Variants in CDH16 observed in about 807,000 individuals in gnomAD.
CDH16 encodes the protein cadherin 16.
A neutral mutation model predicts 87.6 loss-of-function variants in CDH16; 79 were observed. That is an observed-to-expected ratio of 0.90 (90% confidence interval 0.75 to 1.09). The LOEUF (loss-of-function observed/expected upper bound fraction) is 1.09, where lower values mean the gene tolerates loss of function less well. Ranked by LOEUF, CDH16 falls within the 50% of genes least tolerant of loss-of-function variation. The pLI is 0.00. For missense variants in CDH16, 1,124 were observed against 1,071.7 expected (o/e 1.05, Z -0.68); for synonymous variants, 457 against 439.5 (o/e 1.04, Z -0.50).
At position 66,911,280 on chromosome 16, in the gene CDH16, C is replaced by T. The variant is rs564468965; in HGVS notation, c.1826G>A (p.Cys609Tyr). Residue 609 changes from cysteine to tyrosine, a missense_variant, in exon 14 of 18, where the codon TGC becomes TAC. By Grantham distance (194) the Cys-to-Tyr change is radical. Transcript: ENST00000299752. ...SLVNDSEGWL[C>Y]IEKFSGEVHT... is the part of the protein sequence containing the mutation. ...CACCTCCCCGGAGAATTTCTCAATGCAGAGCCAGCCCTCTGAGTCATTGAC... is the reference window on the plus strand; with the variant it reads ...CACCTCCCCGGAGAATTTCTCAATGTAGAGCCAGCCCTCTGAGTCATTGAC... 1.9e-5 allele frequency: 30 copies of T among 1,613,550 alleles called. No homozygotes were observed. The South Asian group carries it at 3.1e-4, about 17-fold the overall frequency.
In CDH16 at chr16:66,915,389, G is replaced by C. The variant is rs201978527; in HGVS notation, c.425-11C>G. On this transcript the variant is annotated splice_polypyrimidine_tract_variant and intron_variant, in intron 5 of 17. Coordinates refer to ENST00000299752, the MANE Select transcript of CDH16 (RefSeq NM_004062.4). ...AGAGGAAGGGGATGCCTGGTTCACGGTGGGAGGGCAAACTGTAAGGGATAG... is the reference window on the plus strand; with the variant it reads ...AGAGGAAGGGGATGCCTGGTTCACGCTGGGAGGGCAAACTGTAAGGGATAG... 3.0e-5 allele frequency: 48 copies of C among 1,613,262 alleles called. No individual in the cohort carries two copies. In the East Asian group the frequency reaches 1.0e-3, roughly 35 times the overall value.
chr16:66,913,609 T>C lies in CDH16; in HGVS notation c.785A>G (p.His262Arg). The C allele has an allele frequency of 1.2e-6, 2 of 1,613,908 alleles. No homozygotes were observed. Among genetic ancestry groups the C allele is most frequent in the Non-Finnish European group, 1.7e-6 (2 of 1,179,928 alleles). The change falls in exon 8 of 18, where the codon CAC becomes CGC. Residue 262 changes from histidine (H) to arginine (R), a missense_variant. By Grantham distance (29) the His-to-Arg change is conservative. Coordinates refer to ENST00000299752, the MANE Select transcript of CDH16 (RefSeq NM_004062.4). The stretch of plus-strand genomic sequence containing the variant: ...ATAGTGCACATCACCCCCACTCCAG[T>C]GTACCTGGGGGGGACACCCCGGGCC... ...VLYPHHMAQV[H>R]WSGGDVHYHL... is the part of the protein sequence containing the mutation.
Position 66,909,529 on chromosome 16 carries a change from G to A in CDH16, c.2276-146C>T. 2 of 642,054 alleles carry A rather than the reference G, an allele frequency of 3.1e-6. No individual in the cohort carries two copies. Among genetic ancestry groups the A allele is most frequent in the Non-Finnish European group, 5.6e-6 (2 of 359,764 alleles). 39.8% of individuals were successfully genotyped at this position (642,054 alleles called of 1,614,324 possible). A position where few individuals can be genotyped will look rare whatever the true frequency, so the allele number is the denominator to read the frequency against. On this transcript the variant is annotated intron_variant, in intron 16 of 17. Transcript: ENST00000299752. This position sits in a 1 kb window ranked among gnomAD's most constrained non-coding sequence, Gnocchi z 4.1. ...TGTGTGAAGATATATGCGCTAGCCA[G>A]GCGTGGTGGCTCACACCTGTAATCC...
intron 6 of CDH16, among the ~76,000 whole-genome samples, chr16:66,914,681 T>A (rs187057350): frequency 6.6e-6 from 1 of 152,268 alleles, no homozygotes; most frequent in Admixed American, 6.5e-5. Context: ...GATGGGTAGA[T>A]GGCAGATGAT....
At chr16:66,910,970 A>C in intron 14 of CDH16, 1 of 523,280 alleles carries the variant, frequency 1.9e-6, no homozygotes, top group Non-Finnish European at 3.4e-6. Context: ...ATCTAGGAGA[A>C]TGATCAGAGA....
chr16:66,918,197 G>A, intron 1 of CDH16, 119 bp from the exon 2 acceptor site: 1 of 658,460 alleles, frequency 1.5e-6, no homozygotes, highest in Non-Finnish European at 2.4e-6. Flanking sequence ...CTCCAAAGGA[G>A]CTGAGGCTCT....
chr16:66,908,770 T>C (rs1456833868), intron 17 of CDH16, among the ~76,000 whole-genome samples: 1 of 152,146 alleles, frequency 6.6e-6, no homozygotes, highest in Non-Finnish European at 1.5e-5. Flanking sequence ...CCCAACTCCA[T>C]GGACCTCCAA....
At position 66,915,269 on chromosome 16, in the gene CDH16, G is replaced by A; in HGVS notation, c.534C>T (p.Asp178=). Reference sequence around the variant, plus strand: ...CCAGCCGAGGCTCCAGCTGGAACATGTCTGGGGAAGGCTGGGCTGGAGCCT... The same window carrying A: ...CCAGCCGAGGCTCCAGCTGGAACATATCTGGGGAAGGCTGGGCTGGAGCCT... ...LSQAPAQPSP[D]MFQLEPRLGA... is the part of the protein sequence containing the mutation. Residue 178 remains aspartate (D), a synonymous_variant, in exon 6 of 18, where the codon GAC becomes GAT. Coordinates refer to ENST00000299752, the MANE Select transcript of CDH16 (RefSeq NM_004062.4). 3 of 1,613,950 alleles carry A rather than the reference G, an allele frequency of 1.9e-6. No homozygotes were observed. The highest frequency in any genetic ancestry group is 2.5e-6 in the Non-Finnish European group (3 of 1,180,024).
At position 66,915,242 on chromosome 16, in the gene CDH16, CCCCAGCCGAGGCTCCAGCTGGAACATGT is replaced by C; in HGVS notation, c.533_560del (p.Asp178GlyfsTer48). 1 of 1,612,596 alleles carries C rather than the reference CCCCAGCCGAGGCTCCAGCTGGAACATGT, an allele frequency of 6.2e-7. No individual in the cohort carries two copies. ...TACCCTTGGGGCTGAGGGCCAGAGC[CCCCAGCCGAGGCTCCAGCTGGAACATGT>C]CTGGGGAAGGCTGGGCTGGAGCCTG... On this transcript the variant is annotated frameshift_variant, in exon 6 of 18. Coordinates refer to ENST00000299752, the MANE Select transcript of CDH16 (RefSeq NM_004062.4). LOFTEE classifies it high-confidence loss of function.
chr16:66,909,390 G>A lies in CDH16; in HGVS notation c.2276-7C>T, dbSNP rs896182744. 6.3e-7 allele frequency: 1 copy of A among 1,585,374 alleles called. No individual in the cohort carries two copies. Among genetic ancestry groups the A allele is most frequent in the Non-Finnish European group, 8.6e-7 (1 of 1,156,764 alleles). ...TTGCAGCGACACACGATCACTGAGG[G>A]GAGAGGGGAGGAAGGTAAGGGGAGG... On this transcript the variant is annotated splice_polypyrimidine_tract_variant and splice_region_variant and intron_variant, in intron 16 of 17. Transcript: ENST00000299752. This position sits in a 1 kb window ranked among gnomAD's most constrained non-coding sequence, Gnocchi z 4.1.
Position 66,909,958 on chromosome 16 carries a change from T to C in CDH16, c.2275+28A>G, listed in dbSNP as rs764326576. 2.4e-5 allele frequency: 36 copies of C among 1,522,382 alleles called. No homozygotes were observed. The highest frequency in any genetic ancestry group is 9.2e-5 in the Admixed American group (5 of 54,242). 94.3% of individuals were successfully genotyped at this position (1,522,382 alleles called of 1,614,324 possible). ...GCATCCCAGCGGTTCCCTCAGGAAC[T>C]GCAGGCTGCACCCAAGCCCAATCTC... is the stretch of plus-strand genomic sequence containing the variant. On this transcript the variant is annotated intron_variant, in intron 16 of 17. Transcript: ENST00000299752. This position sits in a 1 kb window ranked among gnomAD's most constrained non-coding sequence, Gnocchi z 4.1.
Position 66,916,109 on chromosome 16 carries a change from G to A in CDH16, c.380C>T (p.Ser127Phe), listed in dbSNP as rs1478559998. 3.1e-6 allele frequency: 5 copies of A among 1,614,228 alleles called. No homozygotes were observed. The highest frequency in any genetic ancestry group is 4.2e-6 in the Non-Finnish European group (5 of 1,180,052). ...CAGCCGAGCTCTGTAGATGGCTTGA[G>A]AGAAATGGGGCACCTGGTCATTCTC... ...KDENDQVPHF[S>F]QAIYRARLSR... is the part of the protein sequence containing the mutation. The change falls in exon 5 of 18, where the codon TCT (serine) becomes TTT (phenylalanine). Residue 127 changes from serine (S) to phenylalanine (F), a missense_variant. Physicochemically the swap from Ser to Phe is radical, Grantham distance 155. Coordinates refer to ENST00000299752, the MANE Select transcript of CDH16 (RefSeq NM_004062.4). The surrounding 1 kb of genome is among the most constrained non-coding windows in gnomAD (Gnocchi z 4.1).
chr16:66,909,436 G>T lies in CDH16; in HGVS notation c.2276-53C>A. 1 of 1,229,166 alleles carries T rather than the reference G, an allele frequency of 8.1e-7. No individual in the cohort carries two copies. The highest frequency in any genetic ancestry group is 2.4e-5 in the East Asian group (1 of 41,306). The allele number at this position is 1,229,166 out of a possible 1,614,324, so 76.1% of individuals were successfully genotyped here. A position where few individuals can be genotyped will look rare whatever the true frequency, so the allele number is the denominator to read the frequency against. ...GGAGGGAGGGGAGGGCTCCCCAGCT[G>T]CTCAGAGCCCCCAGCCCAGCCACCT... is the stretch of plus-strand genomic sequence containing the variant. On this transcript the variant is annotated intron_variant, in intron 16 of 17. Coordinates refer to ENST00000299752, the MANE Select transcript of CDH16 (RefSeq NM_004062.4). This position sits in a 1 kb window ranked among gnomAD's most constrained non-coding sequence, Gnocchi z 4.1.
At chr16:66,915,033 C>G (rs1298943849) in intron 6 of CDH16, among the ~76,000 whole-genome samples, 187 bp downstream of exon 6, 1 of 152,144 alleles carries the variant, frequency 6.6e-6, no homozygotes, top group Admixed American at 6.5e-5. Context: ...CCATTCACAC[C>G]ATTTCCTAGC....
rs1962658872 is a variant in CDH16, at chr16:66,915,927, GAGAAA to G, written c.424+133_424+137del. The G allele has an allele frequency of 2.9e-6, 3 of 1,028,904 alleles. No individual in the cohort carries two copies. In the East Asian group the frequency reaches 7.8e-5, roughly 27 times the overall value. 63.7% of individuals were successfully genotyped at this position (1,028,904 alleles called of 1,614,324 possible). On this transcript the variant is annotated intron_variant, in intron 5 of 17. Transcript: ENST00000299752. Reference sequence around the variant, plus strand: ...AAAAAGAAAAAAAGAAAAGAAAAAAGAGAAAAGAAAAGAAAAAAGAAATGGGACAG... The same window carrying G: ...AAAAAGAAAAAAAGAAAAGAAAAAAGAGAAAAGAAAAAAGAAATGGGACAG...
At chr16:66,912,468 A>G in intron 11 of CDH16, 36 bp downstream of exon 11, 3 of 1,614,110 alleles carry the variant, frequency 1.9e-6, no homozygotes, top group Non-Finnish European at 1.7e-6. Flanking sequence ...CCCCACCAGC[A>G]TCCTTCCCAA....
chr16:66,910,676 C>T (rs1373679627), intron 14 of CDH16, 174 bp from the exon 15 acceptor site: 1 of 707,090 alleles, frequency 1.4e-6, no homozygotes, highest in Non-Finnish European at 2.1e-6. Flanking sequence ...ACATCCCTGA[C>T]TTTGGCGGAG....
At chr16:66,915,170 C>T in intron 6 of CDH16, 50 bp downstream of exon 6, 1 of 1,523,992 alleles carries the variant, frequency 6.6e-7, no homozygotes, top group Non-Finnish European at 8.8e-7. Context: ...ATACCACCTT[C>T]TCCAGCTTTC....
In CDH16 at chr16:66,910,070, C is replaced by T; in HGVS notation, c.2191G>A (p.Ala731Thr). ...LNGSHAYLTL[A>T]LHWVEPREHI... ...TCACGTGGCTCCACCCAATGCAGGG[C>T]CAAGGTGAGGTAGGCATGGGAACCT... is the stretch of plus-strand genomic sequence containing the variant. The change falls in exon 16 of 18, where the codon GCC becomes ACC. Residue 731 changes from alanine to threonine, a missense_variant. Ala to Thr is a moderately conservative substitution (Grantham distance 58). Transcript: ENST00000299752. 1 of 1,612,576 alleles carries T rather than the reference C, an allele frequency of 6.2e-7. No individual in the cohort carries two copies. Among genetic ancestry groups the T allele is most frequent in the Non-Finnish European group, 8.5e-7 (1 of 1,179,102 alleles).
Sources: gnomAD v4.1 joint callset for allele counts (sites outside exome capture counted in the v4.1 genomes callset) on GRCh38, gnomAD v4.1.1 for gene constraint, Gnocchi (gnomAD v3.1) non-coding constraint, MANE v1.5 for transcripts, NCBI Gene and HGNC (gene_info 2026-07-23, HGNC 2026-07-21) for gene names.